PARD3B: variants seen among roughly 807,000 people sequenced by gnomAD.
PARD3B encodes par-3 family cell polarity regulator beta.
Under a neutral mutation model 130.2 loss-of-function variants are expected in PARD3B, and 103 were observed. The observed-to-expected ratio is 0.79, with a 90% CI of 0.67 to 0.93. The LOEUF is 0.93. Among genes scored for constraint, PARD3B ranks in the 40% least tolerant of loss-of-function variants. The probability of loss-of-function intolerance (pLI) is 0.00; values close to 1 mark genes in which losing one functional copy is unlikely to be tolerated. For synonymous variants in PARD3B, 583 were observed against 553.2 expected, an observed-to-expected ratio of 1.05 and a Z score of -0.76; for missense variants, 1,609 against 1,499.2, an observed-to-expected ratio of 1.07 and a Z score of -1.21.
intron 1 of PARD3B, among the ~76,000 whole-genome samples, chr2:204,627,382 AT>A (rs1369944574): frequency 2.6e-5 from 4 of 152,184 alleles, no homozygotes; most frequent in Non-Finnish European, 5.9e-5. Context: ...TTTATTTAAA[AT>A]TTTCATAACA....
At chr2:205,395,672 C>A (rs917941764) in intron 18 of PARD3B, among the ~76,000 whole-genome samples, 5 of 152,168 alleles carry the variant, frequency 3.3e-5, no homozygotes, top group Non-Finnish European at 7.3e-5. Flanking sequence ...TTCTCAATGG[C>A]CACTTCTCTA....
chr2:205,290,285 T>A (rs986750208), intron 16 of PARD3B, among the ~76,000 whole-genome samples: 1 of 152,164 alleles, frequency 6.6e-6, no homozygotes. Flanking sequence ...TGTGTGTTTA[T>A]CTTTGCTCTA....
chr2:204,725,746 T>G lies in PARD3B; in HGVS notation c.222+39464T>G, dbSNP rs908608878. Among the ~76,000 whole-genome samples, 5 of 152,256 alleles carry G rather than the reference T, an allele frequency of 3.3e-5. No homozygotes were observed. The South Asian group carries it at 1.0e-3, about 32-fold the overall frequency. On this transcript the variant is annotated intron_variant, in intron 2 of 22. Coordinates refer to ENST00000406610, the MANE Select transcript of PARD3B (RefSeq NM_001302769.2). ...ATTGTTAGGGTATCCTTGTGAGACT[T>G]AAAAAACAAACAAACAAAAAACAAC...
intron 2 of PARD3B, among the ~76,000 whole-genome samples, chr2:204,949,342 G>A (rs1689583319): frequency 6.6e-6 from 1 of 151,416 alleles, no homozygotes; most frequent in Admixed American, 6.6e-5. Context: ...TTTTGAGACA[G>A]GGTCTCTCTC....
chr2:204,889,756 A>G (rs2046383216), intron 2 of PARD3B, among the ~76,000 whole-genome samples: 1 of 152,250 alleles, frequency 6.6e-6, no homozygotes, highest in Non-Finnish European at 1.5e-5. Flanking sequence ...TCACAGTGTC[A>G]AACTACTTAG....
In PARD3B at chr2:204,785,675, TG is replaced by T. The variant is rs548063629; in HGVS notation, c.222+99396del. ...CATCCATTATTTTATCCCAGTCACT[TG>T]GGCCCAGTGCCCGACATGCAGGAAG... On this transcript the variant is annotated intron_variant, in intron 2 of 22. Coordinates refer to ENST00000406610, the MANE Select transcript of PARD3B (RefSeq NM_001302769.2). Among the ~76,000 whole-genome samples the T allele has an allele frequency of 3.5e-3, 536 of 152,362 alleles. 8 individuals carry two copies. Among genetic ancestry groups the T allele is most frequent in the African/African-American group, 0.013 (520 of 41,600 alleles).
chr2:205,022,805 C>T (rs55647021), intron 3 of PARD3B, among the ~76,000 whole-genome samples: 2 of 152,172 alleles, frequency 1.3e-5, no homozygotes, highest in Non-Finnish European at 2.9e-5. Context: ...GTTTTCCCCC[C>T]TTACTCCACA....
rs1465697121 is a variant in PARD3B, at chr2:205,325,924, T to C, written c.2630+24223T>C. On this transcript the variant is annotated intron_variant, in intron 18 of 22. Coordinates refer to ENST00000406610, the MANE Select transcript of PARD3B (RefSeq NM_001302769.2). This position sits in a 1 kb window ranked among gnomAD's most constrained non-coding sequence, Gnocchi z 4.1. ...AAATAAACACAAAAACATCCTATCA[T>C]CGTAGACTTCATTGCCTGTGTATCT... Among the ~76,000 whole-genome samples the C allele has an allele frequency of 6.6e-6, 1 of 152,212 alleles. No individual in the cohort carries two copies. The highest frequency in any genetic ancestry group is 1.5e-5 in the Non-Finnish European group (1 of 68,038).
At chr2:205,435,716 G>A (rs1476377130) in intron 19 of PARD3B, among the ~76,000 whole-genome samples, 1 of 151,888 alleles carries the variant, frequency 6.6e-6, no homozygotes, top group Non-Finnish European at 1.5e-5. Flanking sequence ...AATAAAGATA[G>A]GGTACTCTCT....
At position 205,301,664 on chromosome 2, in the gene PARD3B, A is replaced by G. The variant is rs759804041; in HGVS notation, c.2593A>G (p.Arg865Gly). The G allele has an allele frequency of 1.9e-6, 3 of 1,613,996 alleles. 1 individual carries two copies. The highest frequency in any genetic ancestry group is 1.1e-5 in the South Asian group (1 of 91,068). Residue 865 changes from arginine (R) to glycine (G), a missense_variant, in exon 18 of 23, where the codon AGG (arginine) becomes GGG (glycine). Coordinates refer to ENST00000406610, the MANE Select transcript of PARD3B (RefSeq NM_001302769.2). The surrounding 1 kb of genome is among the most constrained non-coding windows in gnomAD (Gnocchi z 5.2). The part of the protein sequence containing the change: ...KRKEENEDPE[R>G]KIKKKGFGAM... ...CAAAGAGGAGAATGAAGATCCAGAA[A>G]GGAAAATAAAGAAGAAGGGCTTCGG...
chr2:205,246,137 T>C (rs1008909485), intron 16 of PARD3B, among the ~76,000 whole-genome samples: 1 of 152,212 alleles, frequency 6.6e-6, no homozygotes, highest in Non-Finnish European at 1.5e-5. Flanking sequence ...TTCAAGATTC[T>C]TTCCCATGAT....
At chr2:205,017,466 A>G (rs1327661812) in intron 3 of PARD3B, among the ~76,000 whole-genome samples, 1 of 152,022 alleles carries the variant, frequency 6.6e-6, no homozygotes, top group East Asian at 1.9e-4. Flanking sequence ...TATTATAGTT[A>G]TTTCTTTACT....
At chr2:204,715,731 A>C (rs1475138534) in intron 2 of PARD3B, among the ~76,000 whole-genome samples, 1 of 152,174 alleles carries the variant, frequency 6.6e-6, no homozygotes, top group Non-Finnish European at 1.5e-5. Flanking sequence ...GCATCTGCTT[A>C]CTGCTGACCT....
At chr2:204,582,674 C>T (rs926254007) in intron 1 of PARD3B, among the ~76,000 whole-genome samples, 2 of 152,186 alleles carry the variant, frequency 1.3e-5, no homozygotes, top group African/African-American at 4.8e-5. Flanking sequence ...CTTTCAGTCC[C>T]TCAACCAGCT....
intron 22 of PARD3B, among the ~76,000 whole-genome samples, chr2:205,569,127 C>A (rs1029617365): frequency 6.6e-6 from 1 of 151,710 alleles, no homozygotes. Context: ...ATTTGTAATT[C>A]GTTTACTCTC....
intron 1 of PARD3B, among the ~76,000 whole-genome samples, chr2:204,680,587 G>A (rs1308488021): frequency 1.3e-5 from 2 of 151,372 alleles, no homozygotes; most frequent in Non-Finnish European, 3.0e-5. Context: ...GATTTCATTA[G>A]CTGTTTTTTT....
At chr2:205,429,468 ATAAT>A (rs1287418060) in intron 19 of PARD3B, among the ~76,000 whole-genome samples, 1 of 152,150 alleles carries the variant, frequency 6.6e-6, no homozygotes, top group Non-Finnish European at 1.5e-5. Flanking sequence ...CCCTAATGAA[ATAAT>A]TAATTCAGTC....
At chr2:204,631,800 G>T (rs1200193893) in intron 1 of PARD3B, among the ~76,000 whole-genome samples, 2 of 152,108 alleles carry the variant, frequency 1.3e-5, no homozygotes, top group East Asian at 3.9e-4. Context: ...AGATCTGGTG[G>T]TAACAAATTC....
In PARD3B at chr2:205,301,987, A is replaced by T; in HGVS notation, c.2630+286A>T. 1.6e-6 allele frequency: 1 copy of T among 606,964 alleles called. No individual in the cohort carries two copies. Among genetic ancestry groups the T allele is most frequent in the Non-Finnish European group, 3.1e-6 (1 of 325,806 alleles). 37.6% of individuals were successfully genotyped at this position (606,964 alleles called of 1,614,324 possible). On this transcript the variant is annotated intron_variant, in intron 18 of 22. Coordinates refer to ENST00000406610, the MANE Select transcript of PARD3B (RefSeq NM_001302769.2). The surrounding 1 kb of genome is among the most constrained non-coding windows in gnomAD (Gnocchi z 5.2). ...AATCTCAGTACTTTGGGAGGCTGGG[A>T]GGATTGCTTGAGCCCAAGAGTTCAA... is the stretch of plus-strand genomic sequence containing the variant.
Sources: allele counts gnomAD v4.1 joint callset (sites outside exome capture counted in the v4.1 genomes callset), GRCh38; gene constraint gnomAD v4.1.1; non-coding constraint Gnocchi (gnomAD v3.1); transcripts MANE v1.5; gene names NCBI Gene and HGNC (gene_info 2026-07-23, HGNC 2026-07-21).